IL22RA1: variants seen among roughly 807,000 people sequenced by gnomAD.
IL22RA1 encodes the protein interleukin 22 receptor subunit alpha 1, also known as interleukin-22 receptor subunit alpha-1.
A neutral mutation model predicts 32.8 loss-of-function variants in IL22RA1; 25 were observed. The observed-to-expected ratio is 0.76, with a 90% CI of 0.55 to 1.06. The LOEUF (loss-of-function observed/expected upper bound fraction) is 1.06. Among genes scored for constraint, IL22RA1 ranks in the 50% least tolerant of loss-of-function variants. The pLI, the probability that IL22RA1 is intolerant of heterozygous loss-of-function variation, is 0.00. For synonymous variants in IL22RA1, 305 were observed against 305.0 expected, an observed-to-expected ratio of 1.00 and a Z score of 0.00; for missense variants, 709 against 727.4, an observed-to-expected ratio of 0.97 and a Z score of 0.29.
At chr1:24,129,703 A>C (rs1011184328) in intron 4 of IL22RA1, among the ~76,000 whole-genome samples, 3 of 152,196 alleles carry the variant, frequency 2.0e-5, no homozygotes, top group Non-Finnish European at 4.4e-5. Context: ...TCTCTTTTTC[A>C]GGCACATGGA....
intron 1 of IL22RA1, among the ~76,000 whole-genome samples, chr1:24,140,553 CT>C (rs1401053169): frequency 1.3e-5 from 2 of 152,180 alleles, no homozygotes; most frequent in African/African-American, 4.8e-5. Context: ...CAGGCTAGGT[CT>C]TTGTCCAGCC....
chr1:24,141,996 AG>A (rs1644284597), intron 1 of IL22RA1, among the ~76,000 whole-genome samples: 1 of 111,086 alleles, frequency 9.0e-6, no homozygotes, highest in African/African-American at 2.7e-5. Context: ...CAATCTCCTA[AG>A]GGCTATTTCT....
At position 24,123,368 on chromosome 1, in the gene IL22RA1, G is replaced by A. The variant is rs763635128; in HGVS notation, c.726C>T (p.Leu242=). The A allele has an allele frequency of 8.1e-6, 13 of 1,613,948 alleles. No homozygotes were observed. Among genetic ancestry groups the A allele is most frequent in the African/African-American group, 4.0e-5 (3 of 74,924 alleles). The change falls in exon 6 of 7, where the codon CTC becomes CTT. Residue 242 remains leucine, a synonymous_variant. Transcript: ENST00000270800. ...AGCTCAGGTAGCAGAGTACTGCGAC[G>A]AGGAAGCCCATGGAGAACAGGAAGG... ...SGAFLFSMGF[L]VAVLCYLSYR...
intron 6 of IL22RA1, among the ~76,000 whole-genome samples, chr1:24,122,133 G>T (rs150795665): frequency 6.6e-6 from 1 of 152,288 alleles, no homozygotes; most frequent in African/African-American, 2.4e-5. Context: ...AAAAGAAGGA[G>T]CCAGGAGAGA....
chr1:24,133,803 AAT>A (rs1644222414), intron 4 of IL22RA1, among the ~76,000 whole-genome samples: 1 of 152,234 alleles, frequency 6.6e-6, no homozygotes, highest in South Asian at 2.1e-4. Flanking sequence ...ACAAATTGAT[AAT>A]ATACCTAATG....
At chr1:24,140,756 CA>C (rs1443035887) in intron 1 of IL22RA1, among the ~76,000 whole-genome samples, 1 of 152,242 alleles carries the variant, frequency 6.6e-6, no homozygotes, top group Non-Finnish European at 1.5e-5. Flanking sequence ...CCCAAGCTGG[CA>C]GCTGGCTCGG....
intron 4 of IL22RA1, among the ~76,000 whole-genome samples, chr1:24,132,191 C>T (rs910164802): frequency 6.6e-6 from 1 of 152,146 alleles, no homozygotes; most frequent in East Asian, 1.9e-4. Flanking sequence ...GCCTGGGTTG[C>T]TCACTAAAAT....
Position 24,121,674 on chromosome 1 carries a change from C to T in IL22RA1, c.856G>A (p.Val286Ile), listed in dbSNP as rs983619011. Residue 286 changes from valine to isoleucine, a missense_variant, in exon 7 of 7, where the codon GTC becomes ATC. Val to Ile is a conservative substitution (Grantham distance 29, BLOSUM62 3). Coordinates refer to ENST00000270800, the MANE Select transcript of IL22RA1 (RefSeq NM_021258.4). The part of the protein sequence containing the change: ...RFIQEHVLIP[V>I]FDLSGPSSLA... ...CTGCTGGGGCCGCTGAGGTCAAAGA[C>T]AGGGATCAGGACGTGCTCCTGGATG... 1.2e-6 allele frequency: 2 copies of T among 1,604,194 alleles called. No individual in the cohort carries two copies. Among genetic ancestry groups the T allele is most frequent in the Non-Finnish European group, 1.7e-6 (2 of 1,173,966 alleles).
At chr1:24,138,502 A>AT in intron 2 of IL22RA1, 80 bp downstream of exon 2, 1 of 1,509,048 alleles carries the variant, frequency 6.6e-7, no homozygotes, top group South Asian at 1.2e-5. Context: ...ACATGGGAAC[A>AT]TATGGAGAGG....
At chr1:24,138,774 T>A (rs1644260787) in intron 1 of IL22RA1, 60 bp from the exon 2 acceptor site, 3 of 1,586,604 alleles carry the variant, frequency 1.9e-6, no homozygotes, top group Admixed American at 3.6e-5. Context: ...TGCCCATGTA[T>A]GGGCTCAGTC....
Position 24,134,395 on chromosome 1 carries a change from A to T in IL22RA1, c.356-9T>A, listed in dbSNP as rs761686588. The T allele has an allele frequency of 1.4e-6, 2 of 1,468,050 alleles. No homozygotes were observed. Among genetic ancestry groups the T allele is most frequent in the Non-Finnish European group, 1.8e-6 (2 of 1,102,668 alleles). 90.9% of individuals were successfully genotyped at this position (1,468,050 alleles called of 1,614,324 possible). A position where few individuals can be genotyped will look rare whatever the true frequency, so the allele number is the denominator to read the frequency against. On this transcript the variant is annotated splice_polypyrimidine_tract_variant and intron_variant, in intron 3 of 6. Coordinates refer to ENST00000270800, the MANE Select transcript of IL22RA1 (RefSeq NM_021258.4). ...AGGTGGCTTGAGGGTAGCTGGGGAT[A>T]GGGAGAGAGAAAAGAGAAAAGAAAA...
At chr1:24,132,091 C>G (rs2148573113) in intron 4 of IL22RA1, among the ~76,000 whole-genome samples, 1 of 152,310 alleles carries the variant, frequency 6.6e-6, no homozygotes, top group South Asian at 2.1e-4. Context: ...CCTATCCCTT[C>G]TACAGCATAG....
Position 24,128,258 on chromosome 1 carries a change from C to T in IL22RA1, c.553G>A (p.Glu185Lys). ...YQMHLGGKQR[E>K]YEFFGLTPDT... is the part of the protein sequence containing the mutation. ...GGGGTCAGGCCGAAGAACTCATATTCTCTCTGCTTCCCTCCAAGGTGCTGA... is the reference window on the plus strand; with the variant it reads ...GGGGTCAGGCCGAAGAACTCATATTTTCTCTGCTTCCCTCCAAGGTGCTGA... Residue 185 changes from glutamate (E) to lysine (K), a missense_variant, in exon 5 of 7, where the codon GAA becomes AAA. Glu to Lys is a moderately conservative substitution (Grantham distance 56, BLOSUM62 1). Transcript: ENST00000270800. The T allele has an allele frequency of 6.2e-7, 1 of 1,613,222 alleles. No individual in the cohort carries two copies. The highest frequency in any genetic ancestry group is 8.5e-7 in the Non-Finnish European group (1 of 1,179,626).
intron 1 of IL22RA1, among the ~76,000 whole-genome samples, chr1:24,140,363 G>A (rs1226159346): frequency 6.6e-6 from 1 of 152,224 alleles, no homozygotes; most frequent in Non-Finnish European, 1.5e-5. Context: ...AGTCTGAAGG[G>A]AGGAGACCTG....
intron 1 of IL22RA1, among the ~76,000 whole-genome samples, chr1:24,141,177 G>A (rs527789549): frequency 1.6e-4 from 25 of 152,334 alleles, no homozygotes; most frequent in African/African-American, 4.8e-4. Flanking sequence ...CTGCCTCTAC[G>A]CAAGGTGACG....
At chr1:24,139,755 T>C (rs1429802611) in intron 1 of IL22RA1, among the ~76,000 whole-genome samples, 1 of 152,270 alleles carries the variant, frequency 6.6e-6, no homozygotes, top group Non-Finnish European at 1.5e-5. Flanking sequence ...CAGGATGTTA[T>C]GGCTGCACCA....
At chr1:24,132,783 T>C (rs1203721401) in intron 4 of IL22RA1, among the ~76,000 whole-genome samples, 2 of 151,772 alleles carry the variant, frequency 1.3e-5, no homozygotes, top group Non-Finnish European at 2.9e-5. Flanking sequence ...GGAGGATCTC[T>C]TGAGCCCAGG....
chr1:24,141,623 C>A (rs1258297298), intron 1 of IL22RA1, among the ~76,000 whole-genome samples: 1 of 152,198 alleles, frequency 6.6e-6, no homozygotes, highest in African/African-American at 2.4e-5. Context: ...CCTAGGCCCA[C>A]TCCTGTCTTT....
chr1:24,143,007 G>A (rs1355283611), intron 1 of IL22RA1, 33 bp downstream of exon 1: 1 of 1,604,146 alleles, frequency 6.2e-7, no homozygotes, highest in African/African-American at 1.3e-5. Context: ...CTGGGATAAG[G>A]GAGGTCTGAC....
Sources: gnomAD v4.1 joint callset for allele counts (sites outside exome capture counted in the v4.1 genomes callset) on GRCh38, gnomAD v4.1.1 for gene constraint, MANE v1.5 for transcripts, NCBI Gene and HGNC (gene_info 2026-07-23, HGNC 2026-07-21) for gene names.